Variants in CACNA2D4 observed in about 807,000 individuals in gnomAD.
CACNA2D4 encodes the protein calcium voltage-gated channel auxiliary subunit alpha2delta 4, also known as voltage-dependent calcium channel subunit alpha-2/delta-4.
CACNA2D4 carries 157 observed loss-of-function variants against 163.8 expected under a neutral mutation model. The observed-to-expected ratio is 0.96, with a 90% CI of 0.84 to 1.09. The LOEUF is 1.09. Among genes scored for constraint, CACNA2D4 ranks in the 50% least tolerant of loss-of-function variants. The probability of loss-of-function intolerance (pLI) is 0.00; values close to 1 mark genes in which losing one functional copy is unlikely to be tolerated. For missense variants in CACNA2D4, 1,410 were observed against 1,479.9 expected (o/e 0.95, Z 0.78); for synonymous variants, 598 against 586.9 (o/e 1.02, Z -0.27).
chr12:1,815,805 A>G (rs1465851873), intron 26 of CACNA2D4, among the ~76,000 whole-genome samples: 1 of 152,146 alleles, frequency 6.6e-6, no homozygotes, highest in African/African-American at 2.4e-5. Context: ...CTGGAGGTTT[A>G]GCTGTGCTCT....
chr12:1,793,812 A>G, intron 37 of CACNA2D4, 53 bp from the exon 38 acceptor site: 1 of 1,466,412 alleles, frequency 6.8e-7, no homozygotes, highest in Non-Finnish European at 9.5e-7. Flanking sequence ...GGACCCTCAA[A>G]AAGGGAGGGG....
intron 29 of CACNA2D4, among the ~76,000 whole-genome samples, chr12:1,804,665 G>C (rs1863460366): frequency 6.6e-6 from 1 of 152,240 alleles, no homozygotes; most frequent in Admixed American, 6.5e-5. Context: ...CTTGCGGCAG[G>C]GACTGGCCAA....
At position 1,799,923 on chromosome 12, in the gene CACNA2D4, A is replaced by G; in HGVS notation, c.2974+77T>C. 2 of 1,481,524 alleles carry G rather than the reference A, an allele frequency of 1.3e-6. No individual in the cohort carries two copies. Among genetic ancestry groups the G allele is most frequent in the Admixed American group, 1.9e-5 (1 of 51,350 alleles). 91.8% of individuals were successfully genotyped at this position (1,481,524 alleles called of 1,614,324 possible). On this transcript the variant is annotated intron_variant, in intron 33 of 37. Coordinates refer to ENST00000382722, the MANE Select transcript of CACNA2D4 (RefSeq NM_172364.5). The surrounding 1 kb of genome is among the most constrained non-coding windows in gnomAD (Gnocchi z 4.7). ...ACCTATCCCCACTGTCACCCACCCC[A>G]CAGGGAATGGTCTCACGTTAGTGGA...
chr12:1,918,108 T>A, intron 1 of CACNA2D4, 139 bp downstream of exon 1: 1 of 669,254 alleles, frequency 1.5e-6, no homozygotes, highest in South Asian at 1.7e-5. Context: ...AGCAAGAGAG[T>A]GGTCAGTCGC....
intron 14 of CACNA2D4, among the ~76,000 whole-genome samples, chr12:1,879,336 G>A (rs1052817139): frequency 6.6e-6 from 1 of 152,160 alleles, no homozygotes; most frequent in Admixed American, 6.5e-5. Context: ...AAGTTATCGG[G>A]ATCTCAGGGA....
rs1864030065 is a variant in CACNA2D4 at position 1,820,103 on chromosome 12, T to C, written c.2552-8380A>G. Among the ~76,000 whole-genome samples, 1 of 152,168 alleles carries C rather than the reference T, an allele frequency of 6.6e-6. No individual in the cohort carries two copies. Among genetic ancestry groups the C allele is most frequent in the South Asian group, 2.1e-4 (1 of 4,830 alleles). ...GCAGGATGGGAGACTCTGCCTCGCA[T>C]GTCTCTAAAACAGGAGAAAGACCAG... On this transcript the variant is annotated intron_variant, in intron 26 of 37. Coordinates refer to ENST00000382722, the MANE Select transcript of CACNA2D4 (RefSeq NM_172364.5). The surrounding 1 kb of genome is among the most constrained non-coding windows in gnomAD (Gnocchi z 6.0).
intron 6 of CACNA2D4, among the ~76,000 whole-genome samples, chr12:1,895,756 T>G (rs1450490294): frequency 2.0e-5 from 3 of 152,108 alleles, no homozygotes; most frequent in Non-Finnish European, 2.9e-5. Context: ...CTCAGCCTTC[T>G]AAATAGCTAG....
chr12:1,914,129 G>A (rs1866901457), intron 2 of CACNA2D4, among the ~76,000 whole-genome samples: 1 of 152,230 alleles, frequency 6.6e-6, no homozygotes, highest in Admixed American at 6.5e-5. Flanking sequence ...GGGACATGTG[G>A]TCACATGCAG....
chr12:1,880,834 G>T (rs1476390165), intron 13 of CACNA2D4, among the ~76,000 whole-genome samples: 1 of 152,244 alleles, frequency 6.6e-6, no homozygotes, highest in Non-Finnish European at 1.5e-5. Context: ...CTGCATGAGG[G>T]CTTTCCAGTC....
At chr12:1,873,985 G>A (rs960793774) in intron 18 of CACNA2D4, among the ~76,000 whole-genome samples, 2 of 152,242 alleles carry the variant, frequency 1.3e-5, no homozygotes, top group Non-Finnish European at 2.9e-5. Flanking sequence ...GGCAGGGGAG[G>A]AGGAGGTGGG....
In CACNA2D4 at chr12:1,884,969, C is replaced by T. The variant is rs1052515907; in HGVS notation, c.1158+18G>A. 2 of 1,611,362 alleles carry T rather than the reference C, an allele frequency of 1.2e-6. No individual in the cohort carries two copies. The highest frequency in any genetic ancestry group is 2.7e-5 in the African/African-American group (2 of 74,852). ...TTCCTCCCAGTCCTCCCCTCCCAGG[C>T]CTCATTACAGTGGGCACCTGCTTCA... is the stretch of plus-strand genomic sequence containing the variant. On this transcript the variant is annotated intron_variant, in intron 10 of 37. Transcript: ENST00000382722.
Position 1,865,566 on chromosome 12 carries a change from A to T in CACNA2D4, c.1879-5360T>A, listed in dbSNP as rs767968054. Among the ~76,000 whole-genome samples, 40 of 152,230 alleles carry T rather than the reference A, an allele frequency of 2.6e-4. 1 individual carries two copies. The highest frequency in any genetic ancestry group is 2.6e-4 in the Non-Finnish European group (18 of 68,042). ...AGAGCCACTCTTAGAGTCGTAGTTC[A>T]TCGAGAAGGCAGCGAAGCTGGCCAT... On this transcript the variant is annotated intron_variant, in intron 18 of 37. Transcript: ENST00000382722.
chr12:1,797,627 G>C, intron 34 of CACNA2D4, 92 bp from the exon 35 acceptor site: 2 of 949,246 alleles, frequency 2.1e-6, no homozygotes, highest in Non-Finnish European at 1.6e-6. Context: ...GTTCACCCCA[G>C]TGCATTTGCA....
chr12:1,896,654 C>CACAA (rs1555186444), intron 6 of CACNA2D4, among the ~76,000 whole-genome samples: 31 of 124,000 alleles, frequency 2.5e-4, no homozygotes, highest in Middle Eastern at 4.3e-3. Context: ...CACACACACA[C>CACAA]AAAACAGATG....
At position 1,882,913 on chromosome 12, in the gene CACNA2D4, T is replaced by C; in HGVS notation, c.1439A>G (p.Asn480Ser). Residue 480 changes from asparagine to serine, a missense_variant, in exon 13 of 38, where the codon AAC (asparagine) becomes AGC (serine). Asn to Ser is a conservative substitution (Grantham distance 46). Transcript: ENST00000382722. ...LHVLSRPMVI[N>S]HDHDIIWTEA... ...TGTCCAGATGATGTCGTGGTCGTGG[T>C]TGATGACCATGGGGCGGCTGAGCAC... 6.2e-7 allele frequency: 1 copy of C among 1,613,852 alleles called. No individual in the cohort carries two copies.
intron 6 of CACNA2D4, among the ~76,000 whole-genome samples, chr12:1,896,723 A>T (rs1866416176): frequency 6.6e-6 from 1 of 152,112 alleles, no homozygotes; most frequent in Non-Finnish European, 1.5e-5. Context: ...GTAAATTAGT[A>T]TAGCCACTAT....
At chr12:1,811,804 T>A in intron 26 of CACNA2D4, 81 bp from the exon 27 acceptor site, 268 of 1,171,916 alleles carry the variant, frequency 2.3e-4, no homozygotes, top group Non-Finnish European at 3.1e-4. Context: ...AGAGAGGAGG[T>A]GCTTCCGCAG....
chr12:1,893,410 T>C (rs1430312345), intron 6 of CACNA2D4, among the ~76,000 whole-genome samples: 3 of 151,938 alleles, frequency 2.0e-5, no homozygotes, highest in Middle Eastern at 6.3e-3. Context: ...TCCCAGCTAC[T>C]TGGGAGACTG....
intron 26 of CACNA2D4, among the ~76,000 whole-genome samples, chr12:1,814,297 G>A (rs1039879742): frequency 6.6e-6 from 1 of 152,150 alleles, no homozygotes; most frequent in Non-Finnish European, 1.5e-5. Flanking sequence ...GGCAGAAATG[G>A]GGGGAGCAGG....
Sources: allele counts gnomAD v4.1 joint callset (sites outside exome capture counted in the v4.1 genomes callset), GRCh38; gene constraint gnomAD v4.1.1; non-coding constraint Gnocchi (gnomAD v3.1); transcripts MANE v1.5; gene names NCBI Gene and HGNC (gene_info 2026-07-23, HGNC 2026-07-21).